Variants in C9orf50 observed in about 807,000 individuals in gnomAD.
The protein encoded by C9orf50 is uncharacterized protein C9orf50.
Under a neutral mutation model 42.5 loss-of-function variants are expected in C9orf50, and 33 were observed. The observed-to-expected ratio is 0.78, with a 90% confidence interval of 0.59 to 1.04. The LOEUF (loss-of-function observed/expected upper bound fraction) is 1.04, where lower values mean the gene tolerates loss of function less well. Ranked by LOEUF, C9orf50 falls within the 50% of genes least tolerant of loss-of-function variation. The pLI, the probability that C9orf50 is intolerant of heterozygous loss-of-function variation, is 0.00. For synonymous variants in C9orf50, 257 were observed against 273.4 expected (o/e 0.94, Z 0.59); for missense variants, 547 against 594.3 (o/e 0.92, Z 0.83).
intron 3 of C9orf50, 75 bp from the exon 4 acceptor site, chr9:129,615,722 G>T (rs752926151): frequency 4.9e-6 from 7 of 1,427,014 alleles, no homozygotes; most frequent in Middle Eastern, 2.5e-4. Flanking sequence ...CCCCAGACTC[G>T]CTGTGAGATC....
At chr9:129,615,087 T>C (rs1830288901) in intron 4 of C9orf50, among the ~76,000 whole-genome samples, 1 of 152,228 alleles carries the variant, frequency 6.6e-6, no homozygotes, top group Admixed American at 6.5e-5. Flanking sequence ...TCTGCCTTCA[T>C]GGATGTCAAA....
chr9:129,615,947 A>G (rs73670146), intron 3 of C9orf50, among the ~76,000 whole-genome samples: 37,300 of 152,164 alleles, frequency 0.25, 4,957 homozygotes, highest in East Asian at 0.41. Flanking sequence ...TGCAGCTGTC[A>G]GGCATGGAGC....
At position 129,613,705 on chromosome 9, in the gene C9orf50, A is replaced by G. The variant is rs1456895882; in HGVS notation, c.881-108T>C. On this transcript the variant is annotated intron_variant, in intron 4 of 6. Transcript: ENST00000372478. This position sits in a 1 kb window ranked among gnomAD's most constrained non-coding sequence, Gnocchi z 6.2. ...CAGGGCCGGTCAGAGCCCTGTCTCC[A>G]TGGCAACCCCAGGCTCCCCAGCGCC... The G allele has an allele frequency of 1.4e-6, 2 of 1,411,440 alleles. No homozygotes were observed. The highest frequency in any genetic ancestry group is 2.1e-4 in the Middle Eastern group (1 of 4,732). The allele number at this position is 1,411,440 out of a possible 1,614,324, so 87.4% of individuals were successfully genotyped here. A position where few individuals can be genotyped will look rare whatever the true frequency, so the allele number is the denominator to read the frequency against.
At chr9:129,617,857 TA>T (rs1336084704) in intron 3 of C9orf50, among the ~76,000 whole-genome samples, 1 of 152,008 alleles carries the variant, frequency 6.6e-6, no homozygotes, top group East Asian at 1.9e-4. Flanking sequence ...CTAATTTTTG[TA>T]ATTTTTGTAG....
At position 129,613,019 on chromosome 9, in the gene C9orf50, C is replaced by T. The variant is rs1830163540; in HGVS notation, c.1188+88G>A. 2 of 1,549,194 alleles carry T rather than the reference C, an allele frequency of 1.3e-6. No individual in the cohort carries two copies. The highest frequency in any genetic ancestry group is 1.8e-6 in the Non-Finnish European group (2 of 1,142,266). The stretch of plus-strand genomic sequence containing the variant: ...AGGGAGGGTCCACTCCCAGCCCCAG[C>T]CACTCCACCAAACAGGGCTGCTCCC... On this transcript the variant is annotated intron_variant, in intron 6 of 6. Transcript: ENST00000372478. The surrounding 1 kb of genome is among the most constrained non-coding windows in gnomAD (Gnocchi z 6.2).
intron 3 of C9orf50, among the ~76,000 whole-genome samples, chr9:129,617,394 T>G (rs1830444406): frequency 6.6e-6 from 1 of 152,244 alleles, no homozygotes; most frequent in Admixed American, 6.5e-5. Flanking sequence ...AACCCAGCTC[T>G]GCCCACCTGC....
Position 129,620,602 on chromosome 9 carries a change from C to A in C9orf50, c.-28G>T. The stretch of plus-strand genomic sequence containing the variant: ...TTGGCCCCGCACTCAGCTCACCGCA[C>A]CCTCAGCGCGCGTGGGTGGGGGGCG... On this transcript the variant is annotated 5_prime_UTR_variant, in exon 1 of 7. Transcript: ENST00000372478. This position sits in a 1 kb window ranked among gnomAD's most constrained non-coding sequence, Gnocchi z 5.8. The A allele has an allele frequency of 7.6e-7, 1 of 1,312,934 alleles. No homozygotes were observed. Among genetic ancestry groups the A allele is most frequent in the Non-Finnish European group, 9.7e-7 (1 of 1,030,120 alleles). The allele number at this position is 1,312,934 out of a possible 1,614,324, so 81.3% of individuals were successfully genotyped here. A position where few individuals can be genotyped will look rare whatever the true frequency, so the allele number is the denominator to read the frequency against.
Position 129,613,067 on chromosome 9 carries a change from T to C in C9orf50, c.1188+40A>G. The C allele has an allele frequency of 6.2e-7, 1 of 1,611,606 alleles. No individual in the cohort carries two copies. Among genetic ancestry groups the C allele is most frequent in the Non-Finnish European group, 8.5e-7 (1 of 1,179,652 alleles). ...CCCGGAGCCAGCTGCCAGCAGGGGC[T>C]CACCAGCTTCTAGGTCCAGGAGCAA... On this transcript the variant is annotated intron_variant, in intron 6 of 6. Transcript: ENST00000372478. This position sits in a 1 kb window ranked among gnomAD's most constrained non-coding sequence, Gnocchi z 6.2.
rs143109321 is a variant in C9orf50 at position 129,613,505 on chromosome 9, G to T, written c.973C>A (p.Pro325Thr). Residue 325 changes from proline to threonine, a missense_variant, in exon 5 of 7, where the codon CCC (proline) becomes ACC (threonine). Physicochemically the swap from Pro to Thr is conservative, Grantham distance 38. Coordinates refer to ENST00000372478, the Ensembl canonical transcript of C9orf50. This position sits in a 1 kb window ranked among gnomAD's most constrained non-coding sequence, Gnocchi z 6.2. ...TTGGCCCCAGGGTACAGGGCTTTGG[G>T]CAAACTCTCCAGCCGTTTTCCGACA... The T allele has an allele frequency of 4.6e-5, 75 of 1,614,046 alleles. No homozygotes were observed. Among genetic ancestry groups the T allele is most frequent in the Non-Finnish European group, 5.8e-5 (68 of 1,180,042 alleles).
At chr9:129,612,423 G>A (rs745922105) in exon 7 of C9orf50, 13 of 1,612,478 alleles carry the variant, frequency 8.1e-6, no homozygotes, top group East Asian at 6.7e-5. Flanking sequence ...CTTCAGGACC[G>A]ACTGCAGCAC....
Position 129,613,638 on chromosome 9 carries a change from A to G in C9orf50, c.881-41T>C, listed in dbSNP as rs372362153. ...CAGGGTGAGATCTCTGCCCAGGAGGAGGGCACTGGTGCCCCCACCCTCTTT... is the reference window on the plus strand; with the variant it reads ...CAGGGTGAGATCTCTGCCCAGGAGGGGGGCACTGGTGCCCCCACCCTCTTT... On this transcript the variant is annotated intron_variant, in intron 4 of 6. Coordinates refer to ENST00000372478, the Ensembl canonical transcript of C9orf50. The surrounding 1 kb of genome is among the most constrained non-coding windows in gnomAD (Gnocchi z 6.2). The G allele has an allele frequency of 6.2e-7, 1 of 1,611,154 alleles. No homozygotes were observed. Among genetic ancestry groups the G allele is most frequent in the Non-Finnish European group, 8.5e-7 (1 of 1,178,346 alleles).
At position 129,613,588 on chromosome 9, in the gene C9orf50, C is replaced by T; in HGVS notation, c.890G>A (p.Ser297Asn). 6.2e-7 allele frequency: 1 copy of T among 1,614,176 alleles called. No homozygotes were observed. Among genetic ancestry groups the T allele is most frequent in the Non-Finnish European group, 8.5e-7 (1 of 1,180,016 alleles). Reference sequence around the variant, plus strand: ...GGCGGCCTTCTGGTTCACAATGACGCTCTGTTGGACTGCAGGAAAGAGGGC... The same window carrying T: ...GGCGGCCTTCTGGTTCACAATGACGTTCTGTTGGACTGCAGGAAAGAGGGC... The change falls in exon 5 of 7, where the codon AGC (serine) becomes AAC (asparagine). Residue 297 changes from serine to asparagine, a missense_variant. By Grantham distance (46) the Ser-to-Asn change is conservative (BLOSUM62 1). This residue lies in a region of C9orf50 where 334 missense variants were observed against 323.7 expected (regional missense o/e 1.03). Coordinates refer to ENST00000372478, the Ensembl canonical transcript of C9orf50. The surrounding 1 kb of genome is among the most constrained non-coding windows in gnomAD (Gnocchi z 6.2).
chr9:129,617,165 G>A (rs1488182371), intron 3 of C9orf50, among the ~76,000 whole-genome samples: 1 of 152,242 alleles, frequency 6.6e-6, no homozygotes, highest in Non-Finnish European at 1.5e-5. Flanking sequence ...ATGGCTGACC[G>A]TTAGTATGCA....
intron 6 of C9orf50, among the ~76,000 whole-genome samples, chr9:129,612,688 G>A (rs1259733811): frequency 1.3e-5 from 2 of 152,236 alleles, no homozygotes; most frequent in East Asian, 3.8e-4. Flanking sequence ...GACCAGCCTG[G>A]CCAGCATAGT....
intron 3 of C9orf50, among the ~76,000 whole-genome samples, chr9:129,616,271 A>G (rs1295406406): frequency 1.3e-5 from 2 of 152,186 alleles, no homozygotes; most frequent in Non-Finnish European, 2.9e-5. Context: ...GCTGGAGTGC[A>G]GTGGTGCCAT....
rs1830624195 is a variant in C9orf50, at chr9:129,620,318, G to T, written c.257C>A (p.Ala86Glu). The T allele has an allele frequency of 2.4e-6, 3 of 1,238,810 alleles. No homozygotes were observed. Among genetic ancestry groups the T allele is most frequent in the Non-Finnish European group, 3.0e-6 (3 of 989,900 alleles). The allele number at this position is 1,238,810 out of a possible 1,614,324, so 76.7% of individuals were successfully genotyped here. A position where few individuals can be genotyped will look rare whatever the true frequency, so the allele number is the denominator to read the frequency against. The stretch of plus-strand genomic sequence containing the variant: ...CCGCTTCCGCACGGCCCGCCGGGTC[G>T]CGGTGAGCAAGGCGGGCAGGCGCGG... Residue 86 changes from alanine (A) to glutamate (E), a missense_variant, in exon 1 of 7, where the codon GCG becomes GAG. Coordinates refer to ENST00000372478, the Ensembl canonical transcript of C9orf50. The surrounding 1 kb of genome is among the most constrained non-coding windows in gnomAD (Gnocchi z 5.8).
Position 129,620,086 on chromosome 9 carries a change from G to T in C9orf50, c.489C>A (p.Ala163=). 1 of 1,449,768 alleles carries T rather than the reference G, an allele frequency of 6.9e-7. No individual in the cohort carries two copies. The highest frequency in any genetic ancestry group is 9.1e-7 in the Non-Finnish European group (1 of 1,099,332). The allele number at this position is 1,449,768 out of a possible 1,614,324, so 89.8% of individuals were successfully genotyped here. Residue 163 remains alanine (A), a synonymous_variant, in exon 1 of 7, where the codon GCC becomes GCA. Transcript: ENST00000372478. The surrounding 1 kb of genome is among the most constrained non-coding windows in gnomAD (Gnocchi z 5.8). ...CCTCACTCAGTGGCTCCGGCTCCTC[G>T]GCGCACTTCTCCTGGAGCTGGTGCA...
chr9:129,613,537 A>G lies in C9orf50; in HGVS notation c.941T>C (p.Phe314Ser). Residue 314 changes from phenylalanine to serine, a missense_variant, in exon 5 of 7, where the codon TTT becomes TCT. Coordinates refer to ENST00000372478, the Ensembl canonical transcript of C9orf50. This position sits in a 1 kb window ranked among gnomAD's most constrained non-coding sequence, Gnocchi z 6.2. ...CTCCAGCCGTTTTCCGACACTCCCA[A>G]ACACCCGCTCGGACGCCACTGGCAG... is the stretch of plus-strand genomic sequence containing the variant. 1 of 1,614,052 alleles carries G rather than the reference A, an allele frequency of 6.2e-7. No individual in the cohort carries two copies. The highest frequency in any genetic ancestry group is 8.5e-7 in the Non-Finnish European group (1 of 1,180,000).
intron 3 of C9orf50, among the ~76,000 whole-genome samples, chr9:129,618,868 G>GTTTTTTTT (rs34259203): frequency 7.8e-6 from 1 of 128,278 alleles, no homozygotes. Context: ...AATTTTTTGT[G>GTTTTTTTT]TTTTTTTTTT....
Sources: gnomAD v4.1 joint callset for allele counts (sites outside exome capture counted in the v4.1 genomes callset) on GRCh38, gnomAD v4.1.1 for gene constraint, gnomAD v4.1.1 regional missense constraint, Gnocchi (gnomAD v3.1) non-coding constraint, MANE v1.5 for transcripts, NCBI Gene and HGNC (gene_info 2026-07-23, HGNC 2026-07-21) for gene names.